The following STRC variants were observed in gnomAD, a reference collection of about 807,000 sequenced individuals.
The protein encoded by STRC is stereocilin.
Under a neutral mutation model 103.5 loss-of-function variants are expected in STRC, and 43 were observed. That is an observed-to-expected ratio of 0.42 (90% CI 0.33 to 0.54). The LOEUF (loss-of-function observed/expected upper bound fraction) is 0.54, where lower values mean the gene tolerates loss of function less well. Ranked by LOEUF, STRC falls within the 20% of genes least tolerant of loss-of-function variation. STRC has a pLI of 0.14. For synonymous variants in STRC, 186 were observed against 442.3 expected, an observed-to-expected ratio of 0.42 and a Z score of 7.27; for missense variants, 499 against 1,088.5, an observed-to-expected ratio of 0.46 and a Z score of 7.62.
In STRC at chr15:43,601,565, A is replaced by G. The variant is rs201200151; in HGVS notation, c.4546-14T>C. The G allele has an allele frequency of 6.8e-6, 11 of 1,613,512 alleles. No individual in the cohort carries two copies. In the East Asian group the frequency reaches 2.0e-4, roughly 29 times the overall value. On this transcript the variant is annotated splice_polypyrimidine_tract_variant and intron_variant, in intron 23 of 28. Coordinates refer to ENST00000450892, the MANE Select transcript of STRC (RefSeq NM_153700.2). The stretch of plus-strand genomic sequence containing the variant: ...GGGACCCCACAACTAGGAGAAAGAC[A>G]GGAACAATGTGAGTGGAAAAGCAGT...
At position 43,601,516 on chromosome 15, in the gene STRC, C is replaced by A; in HGVS notation, c.4581G>T (p.Gln1527His). Residue 1527 changes from glutamine (Q) to histidine (H), a missense_variant, in exon 24 of 29, where the codon CAG becomes CAT. Gln to His is a conservative substitution (Grantham distance 24). Coordinates refer to ENST00000450892, the MANE Select transcript of STRC (RefSeq NM_153700.2). The stretch of plus-strand genomic sequence containing the variant: ...TTAAGAGCCTACCAAGCTGCAGGAT[C>A]TGCTCAGGACGAAATCCCCGGGGGG... ...WGPPRGFRPE[Q>H]ILQLGRLLIG... 6.2e-7 allele frequency: 1 copy of A among 1,613,892 alleles called. No individual in the cohort carries two copies. Among genetic ancestry groups the A allele is most frequent in the Non-Finnish European group, 8.5e-7 (1 of 1,179,882 alleles).
At chr15:43,605,103 C>G (rs2085702441) in intron 19 of STRC, 161 bp downstream of exon 19, 6 of 1,430,422 alleles carry the variant, frequency 4.2e-6, no homozygotes, top group Non-Finnish European at 4.8e-6. Context: ...TATCAAGGAA[C>G]AGAACCCAGA....
At chr15:43,603,686 A>G in intron 22 of STRC, 1 of 631,946 alleles carries the variant, frequency 1.6e-6, no homozygotes, top group Non-Finnish European at 2.7e-6. Context: ...CCAGCCTCAC[A>G]ATGTCTCCTT....
In STRC at chr15:43,601,594, T is replaced by TTGGGAGTCATACTGC. The variant is rs1221346670; in HGVS notation, c.4546-58_4546-44dup. ...ACAATGTGAGTGGAAAAGCAGTGGA[T>TTGGGAGTCATACTGC]TGGGAGTCATACTGCTGGGTTTTAA... On this transcript the variant is annotated intron_variant, in intron 23 of 28. Coordinates refer to ENST00000450892, the MANE Select transcript of STRC (RefSeq NM_153700.2). The TTGGGAGTCATACTGC allele has an allele frequency of 1.9e-6, 3 of 1,603,132 alleles. No individual in the cohort carries two copies. In the African/African-American group the frequency reaches 4.0e-5, roughly 21 times the overall value.
chr15:43,613,470 C>T (rs2085751865), intron 7 of STRC, among the ~76,000 whole-genome samples: 1 of 141,456 alleles, frequency 7.1e-6, no homozygotes. Context: ...CCTCAGCCTC[C>T]AGAGTAACTG....
intron 21 of STRC, 26 bp from the exon 22 acceptor site, chr15:43,604,178 G>A: frequency 6.2e-7 from 1 of 1,608,028 alleles, no homozygotes; most frequent in Non-Finnish European, 8.5e-7. Flanking sequence ...GAAGGAGAGT[G>A]GGGAGATCTG....
At chr15:43,606,470 C>T (rs1180374179) in intron 18 of STRC, among the ~76,000 whole-genome samples, 2 of 150,054 alleles carry the variant, frequency 1.3e-5, no homozygotes, top group South Asian at 2.1e-4. Flanking sequence ...TGTGGTGGCA[C>T]GCGCCTGTAA....
rs1303655479 is a variant in STRC at position 43,603,270 on chromosome 15, A to G, written c.4517T>C (p.Leu1506Pro). ...AGDPGLGPEELRAAMGKAKQL... is the reference protein window; with the variant it reads ...AGDPGLGPEEPRAAMGKAKQL... ...TTTTGCTTTGCCCATGGCTGCCCGC[A>G]GTTCCTCAGGCCCAAGTCCTGGGTC... Residue 1506 changes from leucine to proline, a missense_variant, in exon 23 of 29, where the codon CTG becomes CCG. Coordinates refer to ENST00000450892, the MANE Select transcript of STRC (RefSeq NM_153700.2). The G allele has an allele frequency of 5.0e-6, 8 of 1,613,702 alleles. No individual in the cohort carries two copies. The highest frequency in any genetic ancestry group is 6.8e-6 in the Non-Finnish European group (8 of 1,179,848).
chr15:43,607,125 G>A (rs954083089), intron 18 of STRC, among the ~76,000 whole-genome samples: 10 of 144,048 alleles, frequency 6.9e-5, no homozygotes, highest in African/African-American at 2.3e-4. Flanking sequence ...CTTACAGTGC[G>A]GATGGCAACG....
rs1319428709 is a variant in STRC, at chr15:43,611,261, G to A, written c.3193C>T (p.Gln1065Ter). The A allele has an allele frequency of 1.4e-6, 1 of 696,954 alleles. No homozygotes were observed. Among genetic ancestry groups the A allele is most frequent in the Non-Finnish European group, 2.4e-6 (1 of 416,246 alleles). The allele number at this position is 696,954 out of a possible 1,614,324, so 43.2% of individuals were successfully genotyped here. The change falls in exon 13 of 29, where the codon CAG (glutamine) becomes TAG (stop). Residue 1065 changes from glutamine to a stop codon, truncating the protein, a stop_gained. Coordinates refer to ENST00000450892, the MANE Select transcript of STRC (RefSeq NM_153700.2). LOFTEE classifies it high-confidence loss of function. ...CGCCTAGGGATGGCCTGGAGTGTCT[G>A]GGGGCTGAGGCCTGGTAGCAGAAGG... ...LHLLLPGLSP[Q>*]TLQAIPRRVL...
chr15:43,608,049 C>T (rs1186180672), intron 17 of STRC, 31 bp downstream of exon 17: 1 of 1,610,926 alleles, frequency 6.2e-7, no homozygotes. Flanking sequence ...AGCCTCCCTG[C>T]TCCCACTAAA....
Position 43,604,689 on chromosome 15 carries a change from G to A in STRC, c.4088C>T (p.Thr1363Ile). 6.2e-7 allele frequency: 1 copy of A among 1,613,628 alleles called. No homozygotes were observed. Among genetic ancestry groups the A allele is most frequent in the Non-Finnish European group, 8.5e-7 (1 of 1,179,702 alleles). The change falls in exon 20 of 29, where the codon ACA (threonine) becomes ATA (isoleucine). Residue 1363 changes from threonine to isoleucine, a missense_variant. By Grantham distance (89) the Thr-to-Ile change is moderately conservative. Coordinates refer to ENST00000450892, the MANE Select transcript of STRC (RefSeq NM_153700.2). The part of the protein sequence containing the change: ...QGFCLGETFA[T>I]ELGWLLLQES... Reference sequence around the variant, plus strand: ...CTGCAATAGCAGCCATCCCAGCTCTGTGGCAAATGTCTCTCCTAGGCAGAA... The same window carrying A: ...CTGCAATAGCAGCCATCCCAGCTCTATGGCAAATGTCTCTCCTAGGCAGAA...
intron 23 of STRC, chr15:43,602,793 C>T (rs1199049902): frequency 1.3e-5 from 3 of 228,850 alleles, no homozygotes; most frequent in Non-Finnish European, 2.6e-5. Context: ...AACAAGTGTG[C>T]ACCACCATGC....
intron 23 of STRC, 120 bp downstream of exon 23, chr15:43,603,122 T>C: frequency 4.5e-6 from 5 of 1,100,450 alleles, no homozygotes; most frequent in Non-Finnish European, 5.4e-6. Flanking sequence ...ACCCAAATCT[T>C]CTAACTCTTC....
At chr15:43,603,197 A>T in intron 23 of STRC, 45 bp downstream of exon 23, 3 of 1,604,214 alleles carry the variant, frequency 1.9e-6, no homozygotes, top group Non-Finnish European at 2.6e-6. Flanking sequence ...ATCACACCCA[A>T]ATAGCTTCCT....
chr15:43,609,241 C>T lies in STRC; in HGVS notation c.3557+35G>A, dbSNP rs182004702. On this transcript the variant is annotated intron_variant, in intron 16 of 28. Coordinates refer to ENST00000450892, the MANE Select transcript of STRC (RefSeq NM_153700.2). ...AGTAAGCACTCAAAAAAATGTTGGT[C>T]GAATTCAGCGCACTGCTCAACACAA... is the stretch of plus-strand genomic sequence containing the variant. The T allele has an allele frequency of 7.4e-5, 119 of 1,605,954 alleles. 2 individuals are homozygous for T. Among genetic ancestry groups the T allele is most frequent in the Admixed American group, 6.2e-4 (37 of 59,910 alleles).
Position 43,605,378 on chromosome 15 carries a change from T to A in STRC, c.3816A>T (p.Leu1272=), listed in dbSNP as rs759080151. 2 of 1,601,504 alleles carry A rather than the reference T, an allele frequency of 1.2e-6. No individual in the cohort carries two copies. The highest frequency in any genetic ancestry group is 3.4e-5 in the Admixed American group (2 of 58,590). Residue 1272 remains leucine, a synonymous_variant, in exon 19 of 29, where the codon CTA becomes CTT. Coordinates refer to ENST00000450892, the MANE Select transcript of STRC (RefSeq NM_153700.2). ...CCACCAACATAATGGATTCATTGGA[T>A]AGTCTGTCCATCAACTGGATCCTAT... ...LDLPIQLMDR[L]SNESIMLVVE...
At position 43,613,493 on chromosome 15, in the gene STRC, C is replaced by T. The variant is rs1436646503; in HGVS notation, c.2481-262G>A. Among the ~76,000 whole-genome samples, 13 of 147,340 alleles carry T rather than the reference C, an allele frequency of 8.8e-5. No individual in the cohort carries two copies. In the East Asian group the frequency reaches 2.5e-3, roughly 29 times the overall value. On this transcript the variant is annotated intron_variant, in intron 7 of 28. Coordinates refer to ENST00000450892, the MANE Select transcript of STRC (RefSeq NM_153700.2). ...TCCAGAGTAACTGGGACTACAAGCG[C>T]CCACCACCATGCCTGGCTAATTTTT...
intron 24 of STRC, 111 bp downstream of exon 24, chr15:43,601,285 A>G (rs2085665450): frequency 1.3e-6 from 2 of 1,497,206 alleles, no homozygotes; most frequent in Admixed American, 1.8e-5. Context: ...AGATAGAAAG[A>G]AGGACCAGGT....
Sources: allele counts gnomAD v4.1 joint callset (sites outside exome capture counted in the v4.1 genomes callset), GRCh38; gene constraint gnomAD v4.1.1; transcripts MANE v1.5; gene names NCBI Gene and HGNC (gene_info 2026-07-23, HGNC 2026-07-21).